The following SMAP1 variants were observed in gnomAD, a reference collection of about 807,000 sequenced individuals.
SMAP1 encodes the protein small ArfGAP 1, also known as stromal membrane-associated protein 1.
Under a neutral mutation model 58.5 loss-of-function variants are expected in SMAP1, and 24 were observed. The observed-to-expected ratio is 0.41, with a 90% confidence interval of 0.30 to 0.58. SMAP1 has a LOEUF of 0.58. Ranked by LOEUF, SMAP1 falls within the 20% of genes least tolerant of loss-of-function variation. SMAP1 has a pLI of 0.29. For synonymous variants in SMAP1, 216 were observed against 196.6 expected, an observed-to-expected ratio of 1.10 and a Z score of -0.82; for missense variants, 563 against 566.3, an observed-to-expected ratio of 0.99 and a Z score of 0.06.
intron 6 of SMAP1, among the ~76,000 whole-genome samples, chr6:70,809,211 A>C (rs1769281827): frequency 6.6e-6 from 1 of 152,178 alleles, no homozygotes; most frequent in African/African-American, 2.4e-5. Flanking sequence ...TTGATAATAC[A>C]TACTTACCAG....
At chr6:70,825,875 C>T (rs767197057) in intron 6 of SMAP1, among the ~76,000 whole-genome samples, 1 of 152,196 alleles carries the variant, frequency 6.6e-6, no homozygotes, top group African/African-American at 2.4e-5. Flanking sequence ...GCATGCCACT[C>T]CTGTGTGCCC....
At chr6:70,770,754 A>G (rs957465730) in intron 3 of SMAP1, among the ~76,000 whole-genome samples, 4 of 152,054 alleles carry the variant, frequency 2.6e-5, no homozygotes, top group Non-Finnish European at 5.9e-5. Flanking sequence ...CAACTTGTCA[A>G]AGTCATTCTC....
intron 3 of SMAP1, among the ~76,000 whole-genome samples, chr6:70,760,576 G>C (rs1166810851): frequency 6.6e-6 from 1 of 151,908 alleles, no homozygotes; most frequent in African/African-American, 2.4e-5. Flanking sequence ...GGTTTTGTAG[G>C]GAGAGGCTGG....
intron 1 of SMAP1, among the ~76,000 whole-genome samples, chr6:70,681,311 G>A (rs1766702069): frequency 6.6e-6 from 1 of 152,008 alleles, no homozygotes; most frequent in Admixed American, 6.5e-5. Flanking sequence ...ACGTGCCTGT[G>A]GTGCCAGCTA....
chr6:70,744,676 G>A (rs758708740), intron 2 of SMAP1, among the ~76,000 whole-genome samples: 8 of 152,134 alleles, frequency 5.3e-5, no homozygotes, highest in Non-Finnish European at 1.2e-4. Context: ...ATAATCCTTT[G>A]GGTATATACC....
At chr6:70,700,400 G>A (rs962572218) in intron 1 of SMAP1, among the ~76,000 whole-genome samples, 3 of 152,180 alleles carry the variant, frequency 2.0e-5, no homozygotes, top group Non-Finnish European at 2.9e-5. Context: ...CCAGGTTCAA[G>A]CGATTCTTGT....
chr6:70,715,221 C>G (rs1221959743), intron 1 of SMAP1, among the ~76,000 whole-genome samples: 2 of 151,314 alleles, frequency 1.3e-5, no homozygotes, highest in Non-Finnish European at 2.9e-5. Context: ...CTCAGTACCC[C>G]TAGTTTCTGG....
At chr6:70,854,200 T>C (rs1181088423) in intron 8 of SMAP1, among the ~76,000 whole-genome samples, 1 of 152,236 alleles carries the variant, frequency 6.6e-6, no homozygotes, top group East Asian at 1.9e-4. Context: ...TTTAAAATCA[T>C]ATCTAATACT....
chr6:70,823,017 C>G (rs1769957964), intron 6 of SMAP1, among the ~76,000 whole-genome samples: 1 of 151,798 alleles, frequency 6.6e-6, no homozygotes, highest in Non-Finnish European at 1.5e-5. Flanking sequence ...TTTATATTAC[C>G]TATCTATTCT....
At chr6:70,717,594 G>A (rs1019647777) in intron 1 of SMAP1, among the ~76,000 whole-genome samples, 7 of 152,198 alleles carry the variant, frequency 4.6e-5, no homozygotes, top group African/African-American at 1.7e-4. Flanking sequence ...CTGTCGGCCA[G>A]TTTCTGGCTT....
At chr6:70,771,423 T>C (rs1384719992) in intron 3 of SMAP1, among the ~76,000 whole-genome samples, 2 of 152,364 alleles carry the variant, frequency 1.3e-5, no homozygotes, top group East Asian at 3.9e-4. Context: ...GCTTCCAGGC[T>C]GCTTTGTTTA....
At chr6:70,810,131 A>C (rs1341620935) in intron 6 of SMAP1, among the ~76,000 whole-genome samples, 2 of 152,206 alleles carry the variant, frequency 1.3e-5, no homozygotes, top group Non-Finnish European at 2.9e-5. Flanking sequence ...TCTTTAACCA[A>C]GAAATTGGTA....
intron 1 of SMAP1, among the ~76,000 whole-genome samples, chr6:70,686,885 G>A (rs1766957235): frequency 6.6e-6 from 1 of 152,210 alleles, no homozygotes; most frequent in South Asian, 2.1e-4. Context: ...CTTTGGGACA[G>A]TTCTGCACAA....
intron 1 of SMAP1, among the ~76,000 whole-genome samples, chr6:70,669,231 T>TG (rs1554187258): frequency 6.6e-6 from 1 of 152,196 alleles, no homozygotes; most frequent in Non-Finnish European, 1.5e-5. Flanking sequence ...ACAGTCTCTT[T>TG]GGGGAATGTC....
intron 4 of SMAP1, among the ~76,000 whole-genome samples, chr6:70,788,410 C>T (rs575957691): frequency 1.3e-5 from 2 of 151,736 alleles, no homozygotes; most frequent in African/African-American, 2.4e-5. Flanking sequence ...TGTAACAAAC[C>T]TGCACATTGT....
intron 3 of SMAP1, among the ~76,000 whole-genome samples, chr6:70,762,783 T>C (rs947197494): frequency 2.0e-5 from 3 of 152,138 alleles, no homozygotes; most frequent in African/African-American, 7.2e-5. Flanking sequence ...CTTATAATTT[T>C]TAAAAAATGT....
intron 2 of SMAP1, among the ~76,000 whole-genome samples, chr6:70,746,030 G>T (rs1181781851): frequency 6.6e-6 from 1 of 152,086 alleles, no homozygotes; most frequent in African/African-American, 2.4e-5. Context: ...TTTGTATCCT[G>T]AGACTTTGCT....
Position 70,818,406 on chromosome 6 carries a change from CA to C in SMAP1, c.577-18525del, listed in dbSNP as rs200137790. Among the ~76,000 whole-genome samples, 41 of 142,978 alleles carry C rather than the reference CA, an allele frequency of 2.9e-4. No homozygotes were observed. In the East Asian group the frequency reaches 4.0e-3, roughly 14 times the overall value. The allele number at this position is 142,978 out of a possible 152,430, so 93.8% of individuals were successfully genotyped here. ...GGGCAAAAAGGGCAAAACTCCATCT[CA>C]AAAAAAAAAGCCTATTTCTGGGGTT... On this transcript the variant is annotated intron_variant, in intron 6 of 10. Coordinates refer to ENST00000370455, the MANE Select transcript of SMAP1 (RefSeq NM_001044305.3).
At chr6:70,745,556 A>G (rs1346332883) in intron 2 of SMAP1, among the ~76,000 whole-genome samples, 3 of 152,202 alleles carry the variant, frequency 2.0e-5, no homozygotes, top group East Asian at 3.8e-4. Flanking sequence ...TACCAGTACC[A>G]TGCTGTTTTG....
Sources: allele counts gnomAD v4.1 joint callset (sites outside exome capture counted in the v4.1 genomes callset), GRCh38; gene constraint gnomAD v4.1.1; transcripts MANE v1.5; gene names NCBI Gene and HGNC (gene_info 2026-07-23, HGNC 2026-07-21).